The following IL1RAPL2 variants were observed in gnomAD, a reference collection of about 807,000 sequenced individuals.
IL1RAPL2 encodes X-linked interleukin-1 receptor accessory protein-like 2.
A neutral mutation model predicts 44.1 loss-of-function variants in IL1RAPL2; 3 were observed. The observed-to-expected ratio is 0.07, with a 90% CI of 0.03 to 0.18. The LOEUF (loss-of-function observed/expected upper bound fraction) is 0.18. Among genes scored for constraint, IL1RAPL2 ranks in the 10% least tolerant of loss-of-function variants. The pLI is 1.00. For missense variants in IL1RAPL2, 391 were observed against 496.4 expected, an observed-to-expected ratio of 0.79 and a Z score of 2.02; for synonymous variants, 181 against 178.8, an observed-to-expected ratio of 1.01 and a Z score of -0.10.
At chrX:105,736,698 A>G (rs1251660859) in intron 7 of IL1RAPL2, among the ~76,000 whole-genome samples, 6 of 111,827 alleles carry the variant, frequency 5.4e-5, no homozygotes, top group Non-Finnish European at 9.4e-5. Context: ...CAGAATGGCC[A>G]TTATTAAAAA....
At chrX:105,309,397 C>T (rs2034777404) in intron 5 of IL1RAPL2, among the ~76,000 whole-genome samples, 1 of 110,675 alleles carries the variant, frequency 9.0e-6, no homozygotes, top group Non-Finnish European at 1.9e-5. Context: ...TTTATGCTTA[C>T]TGGTTATTCA....
chrX:105,203,049 G>GA (rs1359810610), intron 3 of IL1RAPL2, among the ~76,000 whole-genome samples: 9 of 110,402 alleles, frequency 8.2e-5, no homozygotes, highest in Non-Finnish European at 1.3e-4. Flanking sequence ...GTTTCACAGA[G>GA]AAAAAAAATG....
At chrX:104,701,619 G>A (rs1931274374) in intron 2 of IL1RAPL2, among the ~76,000 whole-genome samples, 4 of 112,024 alleles carry the variant, frequency 3.6e-5, no homozygotes, top group Admixed American at 9.5e-5. Context: ...TTAGTGATAT[G>A]TATTCATGAT....
chrX:105,230,886 A>G (rs2147634334), intron 3 of IL1RAPL2, among the ~76,000 whole-genome samples: 1 of 111,554 alleles, frequency 9.0e-6, no homozygotes, highest in East Asian at 2.8e-4. Context: ...TTAAGAAACC[A>G]CTATATCAGA....
In IL1RAPL2 at chrX:105,198,243, C is replaced by T. The variant is rs782209645; in HGVS notation, c.356+2495C>T. Among the ~76,000 whole-genome samples, 3 of 111,647 alleles carry T rather than the reference C, an allele frequency of 2.7e-5. No homozygotes were observed. The South Asian group carries it at 1.1e-3, about 42-fold the overall frequency. On this transcript the variant is annotated intron_variant, in intron 3 of 10. Transcript: ENST00000372582. ...TGTGTCTTTATGGTATAATGATTTA[C>T]ATTCCTTTGGGTATATACCCAATAA... is the stretch of plus-strand genomic sequence containing the variant.
rs1388231454 is a variant in IL1RAPL2 at position 104,951,495 on chromosome X, C to G, written c.83-243980C>G. Among the ~76,000 whole-genome samples the G allele has an allele frequency of 2.7e-5, 3 of 112,132 alleles. No individual in the cohort carries two copies. The East Asian group carries it at 8.4e-4, about 31-fold the overall frequency. On this transcript the variant is annotated intron_variant, in intron 2 of 10. Transcript: ENST00000372582. ...TATTCAACTTTCTGAGCTGACGTTA[C>G]CAAAAAAGTGAAAGTTAAAAATACT...
intron 2 of IL1RAPL2, among the ~76,000 whole-genome samples, chrX:104,932,494 A>G (rs1924932315): frequency 9.0e-6 from 1 of 111,457 alleles, no homozygotes; most frequent in South Asian, 3.7e-4. Context: ...TGCCAAATCA[A>G]TCTATAATTC....
At chrX:105,253,716 A>G (rs1482488722) in intron 4 of IL1RAPL2, among the ~76,000 whole-genome samples, 1 of 111,251 alleles carries the variant, frequency 9.0e-6, no homozygotes, top group Non-Finnish European at 1.9e-5. Context: ...TCCACCTTCA[A>G]GTAGACCCCA....
intron 6 of IL1RAPL2, among the ~76,000 whole-genome samples, chrX:105,498,937 G>C (rs1387442191): frequency 9.0e-6 from 1 of 111,188 alleles, no homozygotes; most frequent in Non-Finnish European, 1.9e-5. Context: ...CCTCTTGTCA[G>C]ATCAGTGGCA....
chrX:105,442,978 A>T (rs2035931084), intron 5 of IL1RAPL2, among the ~76,000 whole-genome samples: 2 of 111,874 alleles, frequency 1.8e-5, no homozygotes, highest in Non-Finnish European at 1.9e-5. Context: ...CAGGAGGCTG[A>T]GGCAGGAGAA....
chrX:105,284,365 T>C (rs1308722202), intron 5 of IL1RAPL2, among the ~76,000 whole-genome samples: 1 of 112,273 alleles, frequency 8.9e-6, no homozygotes, highest in African/African-American at 3.2e-5. Context: ...AATATTGAGA[T>C]ATGCACATTT....
At chrX:105,555,076 GTT>G (rs762609819) in intron 6 of IL1RAPL2, among the ~76,000 whole-genome samples, 2 of 83,012 alleles carry the variant, frequency 2.4e-5, no homozygotes, top group African/African-American at 4.3e-5. Context: ...TCTGGTAGTT[GTT>G]TTTTTTTTTT....
chrX:104,855,768 G>A (rs772412798), intron 2 of IL1RAPL2, among the ~76,000 whole-genome samples: 2 of 101,897 alleles, frequency 2.0e-5, no homozygotes, highest in African/African-American at 3.6e-5. Context: ...GGACCCAAGC[G>A]ATCCTCCTGC....
At chrX:105,659,912 C>T (rs1259443521) in intron 6 of IL1RAPL2, among the ~76,000 whole-genome samples, 1 of 110,384 alleles carries the variant, frequency 9.1e-6, no homozygotes, top group Non-Finnish European at 1.9e-5. Context: ...AAATCTAAGA[C>T]TTATTGGCCC....
chrX:104,890,260 G>A (rs1314731640), intron 2 of IL1RAPL2, among the ~76,000 whole-genome samples: 15 of 111,801 alleles, frequency 1.3e-4, no homozygotes, highest in Non-Finnish European at 2.4e-4. Flanking sequence ...ATAAACATAC[G>A]TGTGCATGTA....
At chrX:105,115,388 A>T (rs1296018113) in intron 2 of IL1RAPL2, among the ~76,000 whole-genome samples, 1 of 111,491 alleles carries the variant, frequency 9.0e-6, no homozygotes. Context: ...GGCCCCACCC[A>T]CATCCTGCTG....
At chrX:105,452,711 T>C (rs1485475796) in intron 5 of IL1RAPL2, among the ~76,000 whole-genome samples, 1 of 111,181 alleles carries the variant, frequency 9.0e-6, no homozygotes, top group Non-Finnish European at 1.9e-5. Context: ...TTCTTATTAT[T>C]ATGAATAATA....
At chrX:104,765,035 T>G (rs1394676487) in intron 2 of IL1RAPL2, among the ~76,000 whole-genome samples, 1 of 111,904 alleles carries the variant, frequency 8.9e-6, no homozygotes, top group Non-Finnish European at 1.9e-5. Flanking sequence ...TTTTGTCTGG[T>G]TTTGGTATCA....
At chrX:104,651,227 C>A (rs1930147123) in intron 1 of IL1RAPL2, among the ~76,000 whole-genome samples, 1 of 111,834 alleles carries the variant, frequency 8.9e-6, no homozygotes, top group Non-Finnish European at 1.9e-5. Flanking sequence ...TGAAATAATT[C>A]TGTAGTTAAA....
Sources: allele counts gnomAD v4.1 joint callset (sites outside exome capture counted in the v4.1 genomes callset), GRCh38; gene constraint gnomAD v4.1.1; transcripts MANE v1.5; gene names NCBI Gene and HGNC (gene_info 2026-07-23, HGNC 2026-07-21).